Variants in SP100 observed in about 807,000 individuals in gnomAD.
SP100 encodes nuclear autoantigen Sp-100.
A neutral mutation model predicts 130.0 loss-of-function variants in SP100; 84 were observed. The observed-to-expected ratio is 0.65, with a 90% CI of 0.54 to 0.77. SP100 has a LOEUF of 0.77. SP100 is among the 30% of genes least tolerant of loss of function. The pLI is 0.00. For missense variants in SP100, 978 were observed against 1,052.2 expected, an observed-to-expected ratio of 0.93 and a Z score of 0.97; for synonymous variants, 331 against 351.7, an observed-to-expected ratio of 0.94 and a Z score of 0.66.
chr2:230,450,623 C>A (rs2063933537), intron 8 of SP100, among the ~76,000 whole-genome samples: 1 of 152,134 alleles, frequency 6.6e-6, no homozygotes, highest in African/African-American at 2.4e-5. Context: ...CAACATCTCC[C>A]CAGTCCTCTT....
intron 8 of SP100, among the ~76,000 whole-genome samples, chr2:230,457,157 G>A (rs2064317365): frequency 6.6e-6 from 1 of 152,196 alleles, no homozygotes; most frequent in Admixed American, 6.5e-5. Context: ...GGCTAGTCTG[G>A]TGCCTAGGAC....
intron 13 of SP100, 150 bp from the exon 14 acceptor site, chr2:230,468,893 G>T: frequency 2.5e-5 from 10 of 400,236 alleles, no homozygotes; most frequent in East Asian, 9.7e-5. Flanking sequence ...TGCTCCATTT[G>T]ATAGTAATCT....
chr2:230,523,414 T>A (rs561748118), intron 24 of SP100, among the ~76,000 whole-genome samples: 9 of 152,268 alleles, frequency 5.9e-5, no homozygotes, highest in African/African-American at 2.2e-4. Flanking sequence ...CGCCTATAAT[T>A]CCAGCACTTT....
chr2:230,485,060 G>A (rs533168851), intron 17 of SP100, among the ~76,000 whole-genome samples: 4 of 152,124 alleles, frequency 2.6e-5, no homozygotes, highest in African/African-American at 9.6e-5. Flanking sequence ...CTCCCAAGTA[G>A]CTGGGATACA....
At chr2:230,421,834 A>T (rs1170009107) in intron 2 of SP100, among the ~76,000 whole-genome samples, 3 of 152,038 alleles carry the variant, frequency 2.0e-5, no homozygotes, top group African/African-American at 7.2e-5. Context: ...TGTGGGTGTT[A>T]AATTCATTTG....
At chr2:230,533,804 G>C (rs192880474) in intron 24 of SP100, among the ~76,000 whole-genome samples, 12 of 152,242 alleles carry the variant, frequency 7.9e-5, no homozygotes, top group Non-Finnish European at 1.5e-4. Context: ...CATTTTCCTG[G>C]AGCATTAATC....
chr2:230,473,367 C>A lies in SP100; in HGVS notation c.1473C>A (p.Val491=). ...QEPENKKCSC[V]MCFPKGVPRS... is the part of the protein sequence containing the mutation. ...CTGAAAATAAGAAGTGCTCCTGTGT[C>A]ATGTGTTTTCCAAAAGGTGTGCCAA... The change falls in exon 16 of 29, where the codon GTC becomes GTA. Residue 491 remains valine, a synonymous_variant. Transcript: ENST00000340126. 1.2e-6 allele frequency: 2 copies of A among 1,613,920 alleles called. No individual in the cohort carries two copies. The highest frequency in any genetic ancestry group is 1.7e-6 in the Non-Finnish European group (2 of 1,179,852).
intron 24 of SP100, among the ~76,000 whole-genome samples, chr2:230,512,493 C>T (rs1464950541): frequency 6.6e-6 from 1 of 151,204 alleles, no homozygotes; most frequent in African/African-American, 2.4e-5. Context: ...TTTTGTCATG[C>T]TGATCAGGCT....
chr2:230,512,338 G>A (rs571082108), intron 24 of SP100, among the ~76,000 whole-genome samples: 5 of 136,600 alleles, frequency 3.7e-5, no homozygotes, highest in Admixed American at 1.7e-4. Context: ...TGCCCAGGCT[G>A]GAGTCCAGTG....
intron 2 of SP100, among the ~76,000 whole-genome samples, chr2:230,441,784 C>A (rs1334205790): frequency 6.6e-6 from 1 of 152,160 alleles, no homozygotes; most frequent in East Asian, 1.9e-4. Context: ...GTTCATTTCT[C>A]AAATAACACA....
chr2:230,484,567 C>T (rs572310917), intron 17 of SP100, among the ~76,000 whole-genome samples: 1 of 152,228 alleles, frequency 6.6e-6, no homozygotes, highest in South Asian at 2.1e-4. Context: ...CTCAGTGGAA[C>T]TTTTACATTT....
At chr2:230,417,932 A>G (rs1456544990) in intron 2 of SP100, among the ~76,000 whole-genome samples, 1 of 152,204 alleles carries the variant, frequency 6.6e-6, no homozygotes, top group Non-Finnish European at 1.5e-5. Flanking sequence ...TTAAAACTTA[A>G]CATATAGGCC....
intron 13 of SP100, chr2:230,468,826 A>G: frequency 7.0e-6 from 2 of 285,156 alleles, no homozygotes; most frequent in East Asian, 6.1e-5. Context: ...TCAAAAAAAA[A>G]AAAAAAAAAA....
chr2:230,442,884 C>T (rs1360542088), intron 2 of SP100, 53 bp from the exon 3 acceptor site: 1 of 1,518,152 alleles, frequency 6.6e-7, no homozygotes, highest in Non-Finnish European at 9.1e-7. Flanking sequence ...ACAGCCTCCA[C>T]AAACATCTCA....
chr2:230,494,852 T>C (rs1481083285), intron 18 of SP100, among the ~76,000 whole-genome samples: 1 of 152,204 alleles, frequency 6.6e-6, no homozygotes, highest in Non-Finnish European at 1.5e-5. Flanking sequence ...CAAAACTTGG[T>C]CACACAGCCA....
At chr2:230,490,494 A>T (rs1000310530) in intron 17 of SP100, among the ~76,000 whole-genome samples, 2 of 152,240 alleles carry the variant, frequency 1.3e-5, no homozygotes, top group East Asian at 1.9e-4. Context: ...ATTTACATTT[A>T]AGGTTAGTAT....
intron 24 of SP100, among the ~76,000 whole-genome samples, chr2:230,513,241 T>C (rs1690722627): frequency 6.6e-6 from 1 of 152,152 alleles, no homozygotes; most frequent in Non-Finnish European, 1.5e-5. Flanking sequence ...GAAGTTACAA[T>C]CATTGGATAC....
intron 23 of SP100, chr2:230,509,821 G>A (rs1690441624): frequency 6.6e-6 from 1 of 152,208 alleles, no homozygotes; most frequent in South Asian, 2.1e-4. Flanking sequence ...TGGCTGCTAA[G>A]AAACCTCTTC....
rs61181760 is a variant in SP100 at position 230,524,372 on chromosome 2, G to A, written c.2094+13206G>A. Among the ~76,000 whole-genome samples the A allele has an allele frequency of 8.0e-3, 1,059 of 132,432 alleles. 14 individuals are homozygous for A. Among genetic ancestry groups the A allele is most frequent in the African/African-American group, 0.027 (973 of 35,756 alleles). 86.9% of individuals were successfully genotyped at this position (132,432 alleles called of 152,430 possible). On this transcript the variant is annotated intron_variant, in intron 24 of 28. Transcript: ENST00000340126. Reference sequence around the variant, plus strand: ...ATTCCATCTCAAAAAAAAAAAAAAAGAAAAAGAAAAGAAAAGGAAAAAAAA... The same window carrying A: ...ATTCCATCTCAAAAAAAAAAAAAAAAAAAAAGAAAAGAAAAGGAAAAAAAA...
Sources: allele counts gnomAD v4.1 joint callset (sites outside exome capture counted in the v4.1 genomes callset), GRCh38; gene constraint gnomAD v4.1.1; transcripts MANE v1.5; gene names NCBI Gene and HGNC (gene_info 2026-07-23, HGNC 2026-07-21).